The following GABRB3 variants were observed in gnomAD, a reference collection of about 807,000 sequenced individuals.
The protein encoded by GABRB3 is gamma-aminobutyric acid type A receptor subunit beta3.
GABRB3 carries 14 observed loss-of-function variants against 52.1 expected under a neutral mutation model. That is an observed-to-expected ratio of 0.27 (90% confidence interval 0.18 to 0.42). The LOEUF is 0.42. Ranked by LOEUF, GABRB3 falls within the 10% of genes least tolerant of loss-of-function variation. GABRB3 has a pLI of 1.00. For synonymous variants in GABRB3, 260 were observed against 232.3 expected, an observed-to-expected ratio of 1.12 and a Z score of -1.08; for missense variants, 307 against 609.1, an observed-to-expected ratio of 0.50 and a Z score of 5.22.
chr15:26,625,026 A>C (rs1246861574), intron 3 of GABRB3: 1 of 944,092 alleles, frequency 1.1e-6, no homozygotes, highest in Middle Eastern at 5.4e-4. Context: ...ATATCGATGA[A>C]GTAACAAAAA....
chr15:26,744,973 G>A (rs973150574), intron 3 of GABRB3, among the ~76,000 whole-genome samples: 5 of 152,184 alleles, frequency 3.3e-5, no homozygotes, highest in African/African-American at 1.2e-4. Context: ...GTCTATGCAA[G>A]AAGCATGGTG....
At chr15:26,683,356 G>GCACCTAGTGGATGGAGGC (rs59237700) in intron 3 of GABRB3, among the ~76,000 whole-genome samples, 4,367 of 152,206 alleles carry the variant, frequency 0.029, 211 homozygotes, top group African/African-American at 0.098. Flanking sequence ...TGGAGTTTCA[G>GCACCTAGTGGATGGAGGC]AGCTCCCCCA....
At chr15:26,583,745 A>G (rs1595459174) in intron 4 of GABRB3, among the ~76,000 whole-genome samples, 2 of 151,886 alleles carry the variant, frequency 1.3e-5, no homozygotes, top group Admixed American at 1.3e-4. Flanking sequence ...AAATAGTTAA[A>G]TTGAGGTAAT....
chr15:26,572,617 A>G (rs1426195451), intron 6 of GABRB3, among the ~76,000 whole-genome samples: 1 of 152,252 alleles, frequency 6.6e-6, no homozygotes, highest in African/African-American at 2.4e-5. Flanking sequence ...GCCATGAAAT[A>G]TGCGGTATCT....
intron 3 of GABRB3, among the ~76,000 whole-genome samples, chr15:26,683,532 C>G (rs1888305527): frequency 6.6e-6 from 1 of 152,182 alleles, no homozygotes; most frequent in Non-Finnish European, 1.5e-5. Flanking sequence ...AGATTGACAC[C>G]TTTCCATTGA....
chr15:26,565,559 A>G (rs1333314913), intron 7 of GABRB3, among the ~76,000 whole-genome samples: 1 of 152,212 alleles, frequency 6.6e-6, no homozygotes, highest in Non-Finnish European at 1.5e-5. Flanking sequence ...CAGTTTGTTT[A>G]TATTAATAAT....
At chr15:26,735,466 C>A (rs189980075) in intron 3 of GABRB3, among the ~76,000 whole-genome samples, 4 of 152,314 alleles carry the variant, frequency 2.6e-5, no homozygotes, top group Admixed American at 1.3e-4. Context: ...TAGTTGTACA[C>A]CCATGTTCAT....
At chr15:26,767,758 T>G (rs1891037512) in intron 3 of GABRB3, among the ~76,000 whole-genome samples, 2 of 152,224 alleles carry the variant, frequency 1.3e-5, no homozygotes, top group Admixed American at 1.3e-4. Context: ...GGAGGACTAA[T>G]TAACATAAAT....
chr15:26,763,001 G>T (rs1890861305), intron 3 of GABRB3, among the ~76,000 whole-genome samples: 2 of 152,192 alleles, frequency 1.3e-5, no homozygotes, highest in Non-Finnish European at 2.9e-5. Flanking sequence ...CCTCAACAAA[G>T]AATATCGCAC....
intron 4 of GABRB3, among the ~76,000 whole-genome samples, chr15:26,600,121 G>A (rs1247149157): frequency 1.3e-5 from 2 of 151,822 alleles, no homozygotes; most frequent in African/African-American, 4.8e-5. Context: ...AATTTCAACA[G>A]CAGACTGTAC....
At chr15:26,716,397 G>A (rs1368111657) in intron 3 of GABRB3, among the ~76,000 whole-genome samples, 1 of 152,168 alleles carries the variant, frequency 6.6e-6, no homozygotes, top group Non-Finnish European at 1.5e-5. Context: ...AGCCCTTTGT[G>A]TCATACCACA....
At chr15:26,724,312 C>A (rs1481073572) in intron 3 of GABRB3, among the ~76,000 whole-genome samples, 1 of 152,080 alleles carries the variant, frequency 6.6e-6, no homozygotes, top group African/African-American at 2.4e-5. Flanking sequence ...GTTGAATGAA[C>A]CCCCCTCTTG....
At chr15:26,761,004 G>A (rs1365500076) in intron 3 of GABRB3, among the ~76,000 whole-genome samples, 1 of 152,214 alleles carries the variant, frequency 6.6e-6, no homozygotes, top group African/African-American at 2.4e-5. Context: ...GTCCTCTTAT[G>A]AGAGTACTGT....
intron 4 of GABRB3, among the ~76,000 whole-genome samples, chr15:26,607,860 A>G (rs1490294514): frequency 6.6e-6 from 1 of 152,098 alleles, no homozygotes; most frequent in Non-Finnish European, 1.5e-5. Flanking sequence ...CTGTATTAGA[A>G]GGATTACTAT....
intron 3 of GABRB3, among the ~76,000 whole-genome samples, chr15:26,637,671 A>T (rs1009508136): frequency 1.3e-5 from 2 of 152,238 alleles, no homozygotes; most frequent in African/African-American, 4.8e-5. Context: ...ATTTCTCTGC[A>T]GCTTAAAGTT....
In GABRB3 at chr15:26,547,997, G is replaced by A; in HGVS notation, c.1218C>T (p.Ser406=). The A allele has an allele frequency of 6.2e-7, 1 of 1,614,170 alleles. No homozygotes were observed. Among genetic ancestry groups the A allele is most frequent in the South Asian group, 1.1e-5 (1 of 91,082 alleles). ...ATCGCCCATGCCCTTCTCGAGGCAT[G>A]CTCTGTTTCCTGTACTGGATTCCTG... The part of the protein sequence containing the change: ...DNSGIQYRKQ[S]MPREGHGRFL... Residue 406 remains serine (S), a synonymous_variant, in exon 9 of 9, where the codon AGC becomes AGT. Coordinates refer to ENST00000311550, the MANE Select transcript of GABRB3 (RefSeq NM_000814.6).
At chr15:26,715,117 G>A (rs1287963140) in intron 3 of GABRB3, among the ~76,000 whole-genome samples, 1 of 152,166 alleles carries the variant, frequency 6.6e-6, no homozygotes, top group Non-Finnish European at 1.5e-5. Flanking sequence ...GACCTGGGGG[G>A]GTCTGAGCTT....
At chr15:26,726,828 G>C (rs1318389017) in intron 3 of GABRB3, among the ~76,000 whole-genome samples, 2 of 152,062 alleles carry the variant, frequency 1.3e-5, no homozygotes, top group African/African-American at 4.8e-5. Context: ...GCATTATGTG[G>C]GGAGATACCT....
At chr15:26,614,579 T>A (rs904560718) in intron 4 of GABRB3, 1 of 152,096 alleles carries the variant, frequency 6.6e-6, no homozygotes, top group East Asian at 1.9e-4. Flanking sequence ...ATTTGGGAGA[T>A]GGTGACAAAA....
Sources: allele counts gnomAD v4.1 joint callset (sites outside exome capture counted in the v4.1 genomes callset), GRCh38; gene constraint gnomAD v4.1.1; transcripts MANE v1.5; gene names NCBI Gene and HGNC (gene_info 2026-07-23, HGNC 2026-07-21).